SLC4A7: variants seen among roughly 807,000 people sequenced by gnomAD.
The protein encoded by SLC4A7 is solute carrier family 4 member 7, also known as sodium bicarbonate cotransporter 3.
In SLC4A7, 51 loss-of-function variants were observed where a neutral mutation model predicts 137.6. The ratio of observed to expected loss-of-function variants is 0.37; its 90% CI spans 0.30 to 0.47. The LOEUF is 0.47. Among genes scored for constraint, SLC4A7 ranks in the 20% least tolerant of loss-of-function variants. SLC4A7 has a pLI of 1.00. For missense variants in SLC4A7, 1,247 were observed against 1,525.4 expected (o/e 0.82, Z 3.04); for synonymous variants, 542 against 518.6 (o/e 1.05, Z -0.61).
chr3:27,434,288 C>T (rs949155353), intron 5 of SLC4A7, among the ~76,000 whole-genome samples, 184 bp from the exon 6 acceptor site: 1 of 151,934 alleles, frequency 6.6e-6, no homozygotes, highest in African/African-American at 2.4e-5. Flanking sequence ...TTACAAAGAC[C>T]GCCTTATTTT....
intron 7 of SLC4A7, among the ~76,000 whole-genome samples, chr3:27,425,370 T>TCAAA (rs2055462796): frequency 2.3e-4 from 13 of 56,982 alleles, no homozygotes; most frequent in East Asian, 6.0e-4. Flanking sequence ...AACTCCGTCC[T>TCAAA]AAAAAAAAAA....
At chr3:27,399,910 C>T (rs2052582015) in intron 16 of SLC4A7, among the ~76,000 whole-genome samples, 1 of 152,136 alleles carries the variant, frequency 6.6e-6, no homozygotes, top group Non-Finnish European at 1.5e-5. Flanking sequence ...TAAATAGACA[C>T]ACGTGGCTAA....
At chr3:27,381,231 T>C (rs1282064988) in intron 24 of SLC4A7, among the ~76,000 whole-genome samples, 2 of 152,210 alleles carry the variant, frequency 1.3e-5, no homozygotes, top group Non-Finnish European at 2.9e-5. Context: ...TTTTTCTTTA[T>C]CAGACTATAG....
intron 11 of SLC4A7, among the ~76,000 whole-genome samples, chr3:27,417,923 A>T (rs892884741): frequency 5.3e-5 from 8 of 152,186 alleles, no homozygotes; most frequent in Non-Finnish European, 1.5e-5. Context: ...CAGCTGATGG[A>T]GGGAATTCTG....
chr3:27,473,274 C>A (rs939964684), intron 1 of SLC4A7, among the ~76,000 whole-genome samples: 3 of 151,876 alleles, frequency 2.0e-5, no homozygotes, highest in South Asian at 4.1e-4. Context: ...ATAGCCACCA[C>A]GTTCTCGCCT....
chr3:27,439,238 G>A (rs2057002526), intron 3 of SLC4A7, among the ~76,000 whole-genome samples: 1 of 152,056 alleles, frequency 6.6e-6, no homozygotes, highest in South Asian at 2.1e-4. Context: ...AGATAAGAAG[G>A]AAGAAAACCA....
At position 27,385,909 on chromosome 3, in the gene SLC4A7, T is replaced by G; in HGVS notation, c.3475A>C (p.Lys1159Gln). Residue 1159 changes from lysine (K) to glutamine (Q), a missense_variant, in exon 23 of 26, where the codon AAG (lysine) becomes CAG (glutamine). Coordinates refer to ENST00000454389, the MANE Select transcript of SLC4A7 (RefSeq NM_001321103.2). ...CTTTTTACCTCTTTCTCTTTTTTCT[T>G]TTTGTCATCTTCTTTCTTTTTCTTA... ...ESKKKKEDDK[K>Q]KKEKEEAERM... 6.4e-7 allele frequency: 1 copy of G among 1,558,600 alleles called. No homozygotes were observed. The highest frequency in any genetic ancestry group is 8.8e-7 in the Non-Finnish European group (1 of 1,139,748).
chr3:27,395,264 T>C (rs912999749), intron 18 of SLC4A7, 149 bp from the exon 19 acceptor site: 14 of 554,308 alleles, frequency 2.5e-5, no homozygotes, highest in Non-Finnish European at 3.7e-5. Context: ...TTTTCAAAGA[T>C]GGCCACAGTA....
chr3:27,414,958 G>C (rs569727533), intron 11 of SLC4A7, among the ~76,000 whole-genome samples: 6 of 152,142 alleles, frequency 3.9e-5, no homozygotes, highest in African/African-American at 1.4e-4. Context: ...GCTCGATAAC[G>C]TTCCTGGCTT....
At chr3:27,386,148 T>A in intron 22 of SLC4A7, 125 bp from the exon 23 acceptor site, 2 of 587,504 alleles carry the variant, frequency 3.4e-6, no homozygotes, top group Non-Finnish European at 5.7e-6. Flanking sequence ...TATTCACACA[T>A]CATTTTGTTT....
At chr3:27,417,273 T>C (rs1431170837) in intron 11 of SLC4A7, among the ~76,000 whole-genome samples, 2 of 151,882 alleles carry the variant, frequency 1.3e-5, no homozygotes, top group African/African-American at 2.4e-5. Context: ...GGCAGGAACT[T>C]AGAAAAAAGA....
At chr3:27,400,717 C>T (rs1017555275) in intron 16 of SLC4A7, 47 bp downstream of exon 16, 6 of 1,091,514 alleles carry the variant, frequency 5.5e-6, no homozygotes, top group Middle Eastern at 2.3e-4. Context: ...GCTAAAAGAA[C>T]CAGATCAATA....
intron 11 of SLC4A7, among the ~76,000 whole-genome samples, chr3:27,415,067 T>G (rs1390370449): frequency 6.6e-6 from 1 of 152,204 alleles, no homozygotes; most frequent in African/African-American, 2.4e-5. Flanking sequence ...TAATAATCTT[T>G]TCTACATAGC....
chr3:27,441,979 T>TC (rs1165686116), intron 3 of SLC4A7, among the ~76,000 whole-genome samples: 1 of 151,402 alleles, frequency 6.6e-6, no homozygotes, highest in African/African-American at 2.4e-5. Flanking sequence ...CACTGCAACC[T>TC]CCACCTCCCA....
chr3:27,476,684 C>T (rs562649618), intron 1 of SLC4A7, among the ~76,000 whole-genome samples: 1 of 152,260 alleles, frequency 6.6e-6, no homozygotes, highest in South Asian at 2.1e-4. Context: ...GCCCTTCCCA[C>T]TTCTCTCTCT....
intron 24 of SLC4A7, among the ~76,000 whole-genome samples, chr3:27,381,167 A>T (rs1215083086): frequency 6.6e-6 from 1 of 152,222 alleles, no homozygotes; most frequent in Non-Finnish European, 1.5e-5. Context: ...AGCCACATTA[A>T]TCATGGCTTA....
chr3:27,424,609 T>C, intron 7 of SLC4A7: 1 of 152,638 alleles, frequency 6.6e-6, no homozygotes, highest in Non-Finnish European at 1.5e-5. Flanking sequence ...CTACACTAAC[T>C]AAATGCAGAT....
Position 27,452,477 on chromosome 3 carries a change from C to A in SLC4A7, c.82G>T (p.Val28Leu). 1 of 1,606,016 alleles carries A rather than the reference C, an allele frequency of 6.2e-7. No individual in the cohort carries two copies. The change falls in exon 2 of 26, where the codon GTG becomes TTG. Residue 28 changes from valine to leucine, a missense_variant. Coordinates refer to ENST00000454389, the MANE Select transcript of SLC4A7 (RefSeq NM_001321103.2). The part of the protein sequence containing the change: ...TSRGPDEEAV[V>L]DLGKTSSTVN... The stretch of plus-strand genomic sequence containing the variant: ...GTTGAGCTAGTTTTGCCAAGATCCA[C>A]AACAGCTTCTTCATCAGGACCCTAA...
At chr3:27,432,528 A>G (rs1468994619) in intron 6 of SLC4A7, among the ~76,000 whole-genome samples, 3 of 152,196 alleles carry the variant, frequency 2.0e-5, no homozygotes, top group Non-Finnish European at 4.4e-5. Flanking sequence ...GTGTATCTTA[A>G]AAGAATAACA....
Sources: gnomAD v4.1 joint callset for allele counts (sites outside exome capture counted in the v4.1 genomes callset) on GRCh38, gnomAD v4.1.1 for gene constraint, MANE v1.5 for transcripts, NCBI Gene and HGNC (gene_info 2026-07-23, HGNC 2026-07-21) for gene names.